Variants in SLC16A2 observed in about 807,000 individuals in gnomAD.
SLC16A2 encodes monocarboxylate transporter 8.
SLC16A2 carries 3 observed loss-of-function variants against 27.2 expected under a neutral mutation model. The ratio of observed to expected loss-of-function variants is 0.11; its 90% confidence interval spans 0.05 to 0.28. SLC16A2 has a LOEUF of 0.28. Among genes scored for constraint, SLC16A2 ranks in the 10% least tolerant of loss-of-function variants. The pLI is 1.00. For missense variants in SLC16A2, 295 were observed against 458.5 expected, an observed-to-expected ratio of 0.64 and a Z score of 3.26; for synonymous variants, 202 against 187.8, an observed-to-expected ratio of 1.08 and a Z score of -0.62.
intron 1 of SLC16A2, among the ~76,000 whole-genome samples, chrX:74,457,530 G>A (rs1929059586): frequency 9.0e-6 from 1 of 111,566 alleles, no homozygotes; most frequent in Admixed American, 9.6e-5. Context: ...TGACCCTCTT[G>A]TCATTGCCTT....
chrX:74,424,141 G>A, intron 1 of SLC16A2, among the ~76,000 whole-genome samples: 1 of 110,072 alleles, frequency 9.1e-6, no homozygotes, highest in East Asian at 2.9e-4. Flanking sequence ...GGTGTGGCTA[G>A]TGCATACTCT....
intron 1 of SLC16A2, among the ~76,000 whole-genome samples, chrX:74,480,795 C>T (rs965674059): frequency 1.8e-5 from 2 of 112,118 alleles, no homozygotes; most frequent in Non-Finnish European, 3.8e-5. Flanking sequence ...TGACAGCAAA[C>T]ATTCTTGTCT....
At chrX:74,498,717 T>C (rs4892385) in intron 1 of SLC16A2, among the ~76,000 whole-genome samples, 58,479 of 110,955 alleles carry the variant, frequency 0.53, 13,413 homozygotes, top group Non-Finnish European at 0.73. Flanking sequence ...AAGGAAATGC[T>C]TTATTTTAGC....
At chrX:74,433,795 C>G (rs1164052921) in intron 1 of SLC16A2, among the ~76,000 whole-genome samples, 1 of 112,146 alleles carries the variant, frequency 8.9e-6, no homozygotes, top group Non-Finnish European at 1.9e-5. Context: ...CATACTGCTA[C>G]TAACCTTTGA....
intron 1 of SLC16A2, among the ~76,000 whole-genome samples, chrX:74,467,646 A>G (rs1929276938): frequency 8.9e-6 from 1 of 112,055 alleles, no homozygotes; most frequent in African/African-American, 3.2e-5. Flanking sequence ...AAAGACAATT[A>G]AGAAAACCCC....
At chrX:74,501,155 T>C (rs1214739558) in intron 1 of SLC16A2, among the ~76,000 whole-genome samples, 1 of 110,447 alleles carries the variant, frequency 9.1e-6, no homozygotes, top group Non-Finnish European at 1.9e-5. Flanking sequence ...GGAGATTAAG[T>C]TTGAAAGGTT....
intron 1 of SLC16A2, among the ~76,000 whole-genome samples, chrX:74,439,477 A>ATTTTT (rs58357634): frequency 1.3e-5 from 1 of 78,559 alleles, no homozygotes; most frequent in Non-Finnish European, 2.3e-5. Context: ...GGCCCGGCTA[A>ATTTTT]TTTTTTTTTT....
At chrX:74,505,180 C>T (rs1930102979) in intron 1 of SLC16A2, among the ~76,000 whole-genome samples, 1 of 111,658 alleles carries the variant, frequency 9.0e-6, no homozygotes, top group Non-Finnish European at 1.9e-5. Flanking sequence ...TTCATCTATC[C>T]TAGAACCTTC....
At chrX:74,440,550 G>A (rs1261301275) in intron 1 of SLC16A2, among the ~76,000 whole-genome samples, 1 of 79,377 alleles carries the variant, frequency 1.3e-5, no homozygotes, top group Non-Finnish European at 2.3e-5. Flanking sequence ...TTTTGCTGCT[G>A]TACATAAATA....
intron 1 of SLC16A2, among the ~76,000 whole-genome samples, chrX:74,509,292 T>C (rs1159423366): frequency 9.0e-6 from 1 of 111,327 alleles, no homozygotes; most frequent in African/African-American, 3.3e-5. Flanking sequence ...TGTGGAACCA[T>C]TCAGTCTTTC....
chrX:74,459,584 T>C (rs511721), intron 1 of SLC16A2, among the ~76,000 whole-genome samples: 30,846 of 109,431 alleles, frequency 0.28, 4,160 homozygotes, highest in East Asian at 0.88. Context: ...GTATACTTAA[T>C]ACCTATCAGT....
At chrX:74,470,354 G>A (rs1474201107) in intron 1 of SLC16A2, among the ~76,000 whole-genome samples, 4 of 112,194 alleles carry the variant, frequency 3.6e-5, no homozygotes, top group Admixed American at 2.8e-4. Flanking sequence ...ACAATTGCTG[G>A]ATTGTACCAT....
chrX:74,430,474 T>C (rs1000045066), intron 1 of SLC16A2, among the ~76,000 whole-genome samples: 1 of 112,055 alleles, frequency 8.9e-6, no homozygotes, highest in African/African-American at 3.2e-5. Context: ...GATAGTCTCA[T>C]GATACATGGC....
At chrX:74,521,627 G>C (rs761388019) in intron 2 of SLC16A2, among the ~76,000 whole-genome samples, 5 of 112,223 alleles carry the variant, frequency 4.5e-5, no homozygotes, top group African/African-American at 1.6e-4. Flanking sequence ...TGAACACCTA[G>C]CACAGGATTC....
chrX:74,443,347 C>G (rs1159463114), intron 1 of SLC16A2, among the ~76,000 whole-genome samples: 2 of 111,892 alleles, frequency 1.8e-5, no homozygotes, highest in Admixed American at 1.9e-4. Context: ...CCCCTTCCAG[C>G]TTTGACATTC....
intron 2 of SLC16A2, among the ~76,000 whole-genome samples, chrX:74,522,134 C>T (rs1393645880): frequency 2.7e-5 from 3 of 111,574 alleles, no homozygotes; most frequent in Non-Finnish European, 5.6e-5. Flanking sequence ...GAGAAATGGC[C>T]GTGGTGACAT....
chrX:74,427,562 A>G (rs1928422465), intron 1 of SLC16A2, among the ~76,000 whole-genome samples: 1 of 111,987 alleles, frequency 8.9e-6, no homozygotes, highest in South Asian at 3.7e-4. Context: ...AGGATGCCAT[A>G]TCAACCTTTT....
chrX:74,497,494 GTT>G (rs1929957827), intron 1 of SLC16A2, among the ~76,000 whole-genome samples: 1 of 109,332 alleles, frequency 9.1e-6, no homozygotes, highest in Non-Finnish European at 1.9e-5. Context: ...GGTTCTCAAA[GTT>G]TTTTGTTTTT....
chrX:74,464,770 C>T (rs1929219507), intron 1 of SLC16A2, among the ~76,000 whole-genome samples: 1 of 111,307 alleles, frequency 9.0e-6, no homozygotes, highest in African/African-American at 3.3e-5. Context: ...AATCCCAGCA[C>T]TTTGGGAGGA....
Sources: gnomAD v4.1 joint callset for allele counts (sites outside exome capture counted in the v4.1 genomes callset) on GRCh38, gnomAD v4.1.1 for gene constraint, MANE v1.5 for transcripts, NCBI Gene and HGNC (gene_info 2026-07-23, HGNC 2026-07-21) for gene names.